The following HLCS variants were observed in gnomAD, a reference collection of about 807,000 sequenced individuals.
The protein encoded by HLCS is biotin--protein ligase.
HLCS carries 53 observed loss-of-function variants against 75.0 expected under a neutral mutation model. That is an observed-to-expected ratio of 0.71 (90% CI 0.57 to 0.89). HLCS has a LOEUF of 0.89. Ranked by LOEUF, HLCS falls within the 40% of genes least tolerant of loss-of-function variation. The pLI, the probability that HLCS is intolerant of heterozygous loss-of-function variation, is 0.00. For synonymous variants in HLCS, 431 were observed against 428.6 expected (o/e 1.01, Z -0.07); for missense variants, 966 against 1,074.0 (o/e 0.90, Z 1.41).
chr21:36,859,730 G>A (rs977049297), intron 6 of HLCS, among the ~76,000 whole-genome samples: 3 of 152,166 alleles, frequency 2.0e-5, no homozygotes, highest in Non-Finnish European at 4.4e-5. Flanking sequence ...TTTGAATTTC[G>A]TTTAAAATAA....
chr21:36,931,018 T>A (rs2066613126), intron 4 of HLCS, among the ~76,000 whole-genome samples: 1 of 152,324 alleles, frequency 6.6e-6, no homozygotes, highest in African/African-American at 2.4e-5. Context: ...GAGCGGTGGC[T>A]CACGCCTGTA....
intron 6 of HLCS, among the ~76,000 whole-genome samples, chr21:36,769,043 G>A (rs1220874213): frequency 6.6e-6 from 1 of 152,146 alleles, no homozygotes; most frequent in African/African-American, 2.4e-5. Flanking sequence ...ACATGTAGAC[G>A]GTAGACAGTC....
chr21:36,754,485 G>T, intron 10 of HLCS, 68 bp from the exon 11 acceptor site: 1 of 1,510,918 alleles, frequency 6.6e-7, no homozygotes, highest in South Asian at 1.2e-5. Flanking sequence ...ATGAGCTGAA[G>T]AATAATCCAT....
intron 6 of HLCS, among the ~76,000 whole-genome samples, chr21:36,827,799 TTTTC>T (rs1339158182): frequency 6.7e-6 from 1 of 148,256 alleles, no homozygotes; most frequent in Non-Finnish European, 1.5e-5. Context: ...TGGTAAGTAT[TTTTC>T]TTTTTCTTTC....
chr21:36,843,931 C>T (rs1259048220), intron 6 of HLCS, among the ~76,000 whole-genome samples: 3 of 152,064 alleles, frequency 2.0e-5, no homozygotes, highest in Non-Finnish European at 2.9e-5. Flanking sequence ...TCACTAGAGC[C>T]CAGGAGATTG....
Position 36,966,425 on chromosome 21 carries a change from G to GGGGCCCC in HLCS, c.195+18_195+19insGGGGCCC. 2.3e-4 allele frequency: 44 copies of GGGGCCCC among 195,428 alleles called. No individual in the cohort carries two copies. Among genetic ancestry groups the GGGGCCCC allele is most frequent in the Non-Finnish European group, 3.6e-4 (42 of 116,680 alleles). The allele number at this position is 195,428 out of a possible 1,614,324, so 12.1% of individuals were successfully genotyped here. ...CCGGCTCGCGGGGCCCGGGTCGCCCGCCCGCCCGACCCGCCCACCTGGCTG... is the reference window on the plus strand; with the variant it reads ...CCGGCTCGCGGGGCCCGGGTCGCCCGGGGCCCCCCCGCCCGACCCGCCCACCTGGCTG... On this transcript the variant is annotated intron_variant, in intron 1 of 10. Coordinates refer to ENST00000674895, the MANE Select transcript of HLCS (RefSeq NM_001352514.2).
chr21:36,961,238 C>CA (rs2068273562), intron 2 of HLCS, among the ~76,000 whole-genome samples: 1 of 152,180 alleles, frequency 6.6e-6, no homozygotes, highest in Non-Finnish European at 1.5e-5. Context: ...TGATATACCC[C>CA]AGCCACTCAG....
At chr21:36,962,267 C>G (rs1176328179) in intron 1 of HLCS, 97 bp from the exon 2 acceptor site, 2 of 801,026 alleles carry the variant, frequency 2.5e-6, no homozygotes, top group Non-Finnish European at 3.5e-6. Context: ...CCTATAATTC[C>G]AAGTGACATG....
At position 36,885,475 on chromosome 21, in the gene HLCS, T is replaced by TC. The variant is rs576826468; in HGVS notation, c.1892+11384dup. ...GTGAGCCATGATCAGACCACTGTAC[T>TC]CCAGCCTGGGTGACAGAGCAAGATC... On this transcript the variant is annotated intron_variant, in intron 6 of 10. Transcript: ENST00000674895. Among the ~76,000 whole-genome samples, 439 of 146,856 alleles carry TC rather than the reference T, an allele frequency of 3.0e-3. 2 individuals are homozygous for TC. The highest frequency in any genetic ancestry group is 0.011 in the African/African-American group (426 of 39,258).
At chr21:36,958,714 G>T (rs908084166) in intron 2 of HLCS, among the ~76,000 whole-genome samples, 1 of 151,770 alleles carries the variant, frequency 6.6e-6, no homozygotes, top group African/African-American at 2.4e-5. Flanking sequence ...GCTTGAACCC[G>T]GGAGGTGGAG....
chr21:36,874,414 TA>T lies in HLCS; in HGVS notation c.1892+22445del, dbSNP rs1393063915. Among the ~76,000 whole-genome samples, 361 of 146,832 alleles carry T rather than the reference TA, an allele frequency of 2.5e-3. 5 individuals are homozygous for T. Among genetic ancestry groups the T allele is most frequent in the Middle Eastern group, 0.01 (3 of 286 alleles). On this transcript the variant is annotated intron_variant, in intron 6 of 10. Transcript: ENST00000674895. ...GAGACTCCGTCTCAAAAAAATAAAA[TA>T]AAATAAAATAAAATAAAATAAATAA...
At chr21:36,765,287 G>A in intron 7 of HLCS, 115 bp from the exon 8 acceptor site, 1 of 945,824 alleles carries the variant, frequency 1.1e-6, no homozygotes, top group East Asian at 2.6e-5. Context: ...AATGCTTATT[G>A]TATTACAACG....
intron 6 of HLCS, among the ~76,000 whole-genome samples, chr21:36,887,713 T>G (rs1373956700): frequency 1.3e-5 from 2 of 152,342 alleles, no homozygotes; most frequent in African/African-American, 4.8e-5. Context: ...TTTTCACTTT[T>G]AAAGTACCAA....
upstream of HLCS, chr21:36,969,490 A>G (rs2068726567): frequency 6.6e-6 from 1 of 152,208 alleles, no homozygotes; most frequent in Non-Finnish European, 1.5e-5. Flanking sequence ...CACTGCTAAC[A>G]TCTTCCTCTG....
At chr21:36,873,719 C>T (rs1601587583) in intron 6 of HLCS, among the ~76,000 whole-genome samples, 1 of 152,122 alleles carries the variant, frequency 6.6e-6, no homozygotes, top group Non-Finnish European at 1.5e-5. Context: ...TAGGTTCAGG[C>T]CTCCTGGGCA....
At chr21:36,837,948 G>T (rs1013151302) in intron 6 of HLCS, among the ~76,000 whole-genome samples, 9 of 152,092 alleles carry the variant, frequency 5.9e-5, no homozygotes, top group Non-Finnish European at 1.2e-4. Flanking sequence ...TAATCCTTAG[G>T]TAATGACCAT....
intron 6 of HLCS, among the ~76,000 whole-genome samples, chr21:36,799,340 CT>C (rs1243971864): frequency 1.3e-5 from 2 of 152,246 alleles, no homozygotes; most frequent in Non-Finnish European, 2.9e-5. Flanking sequence ...GGTGAGTCTA[CT>C]TCTGGACACT....
intron 1 of HLCS, among the ~76,000 whole-genome samples, chr21:36,962,726 G>T (rs527340331): frequency 6.9e-6 from 1 of 144,418 alleles, no homozygotes; most frequent in Non-Finnish European, 1.5e-5. Context: ...CTGGGAGCCC[G>T]AGGTTGCAGT....
chr21:36,823,045 G>A (rs968087188), intron 6 of HLCS, among the ~76,000 whole-genome samples: 1 of 152,162 alleles, frequency 6.6e-6, no homozygotes, highest in Admixed American at 6.6e-5. Flanking sequence ...TTAAAGCACC[G>A]CCAAATACAA....
Sources: allele counts gnomAD v4.1 joint callset (sites outside exome capture counted in the v4.1 genomes callset), GRCh38; gene constraint gnomAD v4.1.1; transcripts MANE v1.5; gene names NCBI Gene and HGNC (gene_info 2026-07-23, HGNC 2026-07-21).